Variants in ARAP2 observed in about 807,000 individuals in gnomAD.
ARAP2 encodes the protein arf-GAP with Rho-GAP domain, ANK repeat and PH domain-containing protein 2.
In ARAP2, 148 loss-of-function variants were observed where a neutral mutation model predicts 194.5. The observed-to-expected ratio is 0.76, with a 90% CI of 0.67 to 0.87. The LOEUF (loss-of-function observed/expected upper bound fraction) is 0.87. Among genes scored for constraint, ARAP2 ranks in the 40% least tolerant of loss-of-function variants. ARAP2 has a pLI of 0.00. For synonymous variants in ARAP2, 695 were observed against 683.5 expected, an observed-to-expected ratio of 1.02 and a Z score of -0.26; for missense variants, 2,128 against 1,989.7, an observed-to-expected ratio of 1.07 and a Z score of -1.32.
Position 36,187,511 on chromosome 4 carries a change from C to A in ARAP2, c.1618G>T (p.Asp540Tyr). The change falls in exon 8 of 33, where the codon GAC (aspartate) becomes TAC (tyrosine). Residue 540 changes from aspartate to tyrosine, a missense_variant. Asp to Tyr is a radical substitution (Grantham distance 160). Transcript: ENST00000303965. The stretch of plus-strand genomic sequence containing the variant: ...GTTGTAACAACTTCAAATTTGTTGT[C>A]TCCTTGAACTCGTACTGTTGATATA... ...SAISTVRVQG[D>Y]NKFEVVTTQR... The A allele has an allele frequency of 6.4e-7, 1 of 1,551,610 alleles. No homozygotes were observed.
At chr4:36,175,333 G>A (rs941041007) in intron 9 of ARAP2, among the ~76,000 whole-genome samples, 3 of 152,164 alleles carry the variant, frequency 2.0e-5, no homozygotes, top group Non-Finnish European at 1.5e-5. Context: ...AAAGCCCTCT[G>A]CACTGAGGAG....
At chr4:36,196,435 T>A (rs555480409) in intron 6 of ARAP2, among the ~76,000 whole-genome samples, 1 of 152,300 alleles carries the variant, frequency 6.6e-6, no homozygotes, top group East Asian at 1.9e-4. Flanking sequence ...TACCACTGGC[T>A]CTCTGAGGAA....
chr4:36,026,607 G>T (rs1197076363), intron 5 of ARAP2, among the ~76,000 whole-genome samples: 1 of 152,184 alleles, frequency 6.6e-6, no homozygotes, highest in Non-Finnish European at 1.5e-5. Flanking sequence ...AAGTGTTAAA[G>T]CTCTCAGCAG....
intron 11 of ARAP2, among the ~76,000 whole-genome samples, chr4:36,164,135 A>C (rs1734734782): frequency 6.6e-6 from 1 of 152,136 alleles, no homozygotes; most frequent in Admixed American, 6.5e-5. Context: ...AATTCCCCGC[A>C]CCAGCACAGT....
At chr4:36,208,193 G>A (rs561459559) in intron 6 of ARAP2, among the ~76,000 whole-genome samples, 3 of 152,266 alleles carry the variant, frequency 2.0e-5, no homozygotes, top group South Asian at 4.1e-4. Context: ...AAATGCAAAG[G>A]AGACATTTTA....
At chr4:36,243,431 T>A (rs573884454) in intron 1 of ARAP2, among the ~76,000 whole-genome samples, 1 of 149,786 alleles carries the variant, frequency 6.7e-6, no homozygotes, top group Non-Finnish European at 1.5e-5. Context: ...GATACCTACT[T>A]ACAACACCCT....
intron 25 of ARAP2, among the ~76,000 whole-genome samples, chr4:36,115,569 C>T (rs1721116207): frequency 6.6e-6 from 1 of 151,920 alleles, no homozygotes; most frequent in Non-Finnish European, 1.5e-5. Flanking sequence ...CCTAACACTC[C>T]ACACTTGGGA....
chr4:36,097,750 A>G (rs1202685191), intron 27 of ARAP2, among the ~76,000 whole-genome samples: 2 of 152,216 alleles, frequency 1.3e-5, no homozygotes, highest in African/African-American at 2.4e-5. Flanking sequence ...CTACCTTTTG[A>G]TCTTTCATTC....
At chr4:36,039,813 G>C (rs777502183) in intron 5 of ARAP2, among the ~76,000 whole-genome samples, 1 of 152,124 alleles carries the variant, frequency 6.6e-6, no homozygotes, top group African/African-American at 2.4e-5. Context: ...ATGAAGACCA[G>C]GTGTCAGATA....
At chr4:36,159,975 G>A (rs1190911084) in intron 13 of ARAP2, 1 of 578,512 alleles carries the variant, frequency 1.7e-6, no homozygotes, top group African/African-American at 2.0e-5. Flanking sequence ...AGCAAATTCA[G>A]GATCTTCCCC....
chr4:36,173,570 T>C (rs1737136624), intron 9 of ARAP2, among the ~76,000 whole-genome samples: 1 of 150,696 alleles, frequency 6.6e-6, no homozygotes, highest in African/African-American at 2.5e-5. Context: ...ATATGAAGAT[T>C]CATGTCTTTC....
intron 5 of ARAP2, among the ~76,000 whole-genome samples, chr4:36,043,914 AAAAG>A (rs1288136343): frequency 8.3e-6 from 1 of 120,528 alleles, no homozygotes; most frequent in African/African-American, 3.2e-5. Flanking sequence ...AAGAGAAAGA[AAAAG>A]AGAAAGAAAG....
intron 8 of ARAP2, among the ~76,000 whole-genome samples, chr4:36,179,079 T>C (rs1412931739): frequency 2.0e-5 from 3 of 152,226 alleles, no homozygotes; most frequent in African/African-American, 7.2e-5. Context: ...AGGGAATTCA[T>C]ACTGCCTGTT....
chr4:36,062,629 T>TGA (rs71653569), downstream of ARAP2, among the ~76,000 whole-genome samples: 2,367 of 126,130 alleles, frequency 0.019, 31 homozygotes, highest in Non-Finnish European at 0.025. Flanking sequence ...GTAATTTGTG[T>TGA]GAGAGTGTGT....
chr4:36,170,949 T>TGCCTGGTG (rs1736473707), intron 9 of ARAP2, among the ~76,000 whole-genome samples: 2 of 150,710 alleles, frequency 1.3e-5, no homozygotes, highest in Admixed American at 1.3e-4. Flanking sequence ...AAAAAAAAAA[T>TGCCTGGTG]GCCTGGTGGC....
intron 27 of ARAP2, among the ~76,000 whole-genome samples, chr4:36,100,577 C>A (rs1716588244): frequency 6.6e-6 from 1 of 151,898 alleles, no homozygotes. Context: ...TGCATATTTT[C>A]TTTTCTTCAG....
At chr4:36,151,144 T>C (rs898222349) in intron 15 of ARAP2, 100 bp from the exon 16 acceptor site, 2 of 1,026,544 alleles carry the variant, frequency 1.9e-6, no homozygotes, top group South Asian at 1.8e-5. Flanking sequence ...TGCAAGTAAA[T>C]AAATTTATTA....
chr4:36,080,891 T>C (rs1194959020), intron 30 of ARAP2, among the ~76,000 whole-genome samples: 1 of 151,968 alleles, frequency 6.6e-6, no homozygotes, highest in East Asian at 1.9e-4. Flanking sequence ...TACAACACAG[T>C]GAGAAAAAGC....
At chr4:36,148,617 T>C (rs2109710438) in intron 16 of ARAP2, 110 bp from the exon 17 acceptor site, 1 of 772,678 alleles carries the variant, frequency 1.3e-6, no homozygotes, top group Admixed American at 2.8e-5. Context: ...TAAACTAATG[T>C]TATGAAATCA....
Sources: gnomAD v4.1 joint callset for allele counts (sites outside exome capture counted in the v4.1 genomes callset) on GRCh38, gnomAD v4.1.1 for gene constraint, MANE v1.5 for transcripts, NCBI Gene and HGNC (gene_info 2026-07-23, HGNC 2026-07-21) for gene names.